XKR6: variants seen among roughly 807,000 people sequenced by gnomAD.
XKR6 encodes the protein XK-related protein 6.
XKR6 carries 22 observed loss-of-function variants against 56.7 expected under a neutral mutation model. The observed-to-expected ratio is 0.39, with a 90% confidence interval of 0.28 to 0.55. The LOEUF (loss-of-function observed/expected upper bound fraction) is 0.55, where lower values mean the gene tolerates loss of function less well. Among genes scored for constraint, XKR6 ranks in the 20% least tolerant of loss-of-function variants. The probability of loss-of-function intolerance (pLI) is 0.66; values close to 1 mark genes in which losing one functional copy is unlikely to be tolerated. For synonymous variants in XKR6, 524 were observed against 387.8 expected (o/e 1.35, Z -4.13); for missense variants, 852 against 889.0 (o/e 0.96, Z 0.53).
intron 1 of XKR6, among the ~76,000 whole-genome samples, chr8:11,087,118 G>C (rs1379424493): frequency 3.3e-5 from 5 of 152,094 alleles, no homozygotes; most frequent in Non-Finnish European, 5.9e-5. Flanking sequence ...CTAAACTCTT[G>C]TACACTCTAC....
At chr8:10,941,200 C>G (rs1026097518) in intron 1 of XKR6, among the ~76,000 whole-genome samples, 2 of 152,152 alleles carry the variant, frequency 1.3e-5, no homozygotes, top group Admixed American at 1.3e-4. Context: ...ACAGCCTCCT[C>G]CCACCGACAC....
intron 1 of XKR6, among the ~76,000 whole-genome samples, chr8:10,933,352 G>C (rs1801119768): frequency 1.0e-5 from 1 of 98,758 alleles, no homozygotes; most frequent in Admixed American, 8.2e-5. Flanking sequence ...TAGGTTGCCT[G>C]TTCACTCTGA....
intron 1 of XKR6, among the ~76,000 whole-genome samples, chr8:11,128,438 T>C (rs115439203): frequency 0.01 from 1,591 of 152,304 alleles, 35 homozygotes; most frequent in African/African-American, 0.037. Flanking sequence ...AACTGCCTAT[T>C]TGATAGCCCA....
At chr8:10,996,626 A>G (rs927073558) in intron 1 of XKR6, among the ~76,000 whole-genome samples, 1 of 152,148 alleles carries the variant, frequency 6.6e-6, no homozygotes, top group South Asian at 2.1e-4. Flanking sequence ...ATGGGAATAT[A>G]TGTGAGGGGC....
chr8:11,073,940 G>C (rs181671287), intron 1 of XKR6, among the ~76,000 whole-genome samples: 9 of 152,310 alleles, frequency 5.9e-5, no homozygotes, highest in African/African-American at 2.2e-4. Flanking sequence ...AATGCTGCCA[G>C]GAAATGAGCC....
At chr8:11,046,735 G>A (rs1206894782) in intron 1 of XKR6, among the ~76,000 whole-genome samples, 1 of 152,124 alleles carries the variant, frequency 6.6e-6, no homozygotes, top group Non-Finnish European at 1.5e-5. Flanking sequence ...GGCCATCCAT[G>A]GATGAATAGA....
At chr8:11,016,714 C>A (rs1798632902) in intron 1 of XKR6, among the ~76,000 whole-genome samples, 1 of 152,238 alleles carries the variant, frequency 6.6e-6, no homozygotes, top group Non-Finnish European at 1.5e-5. Context: ...GCGGCCAGCA[C>A]TGGGGAGCGT....
Position 10,917,634 on chromosome 8 carries a change from G to T in XKR6, c.961+7000C>A, listed in dbSNP as rs147823089. ...CCCCCTGCTGAGTTAGAGTCTGAGG[G>T]GCACACAATGGCTCAGAGGATATCT... On this transcript the variant is annotated intron_variant, in intron 2 of 2. Coordinates refer to ENST00000416569, the MANE Select transcript of XKR6 (RefSeq NM_173683.4). 6.2e-3 allele frequency among the ~76,000 whole-genome samples: 949 copies of T among 152,248 alleles called. 6 individuals are homozygous for T. The highest frequency in any genetic ancestry group is 9.5e-3 in the South Asian group (46 of 4,818).
rs867457792 is a variant in XKR6 at position 10,933,083 on chromosome 8, G to A, written c.765-8253C>T. Among the ~76,000 whole-genome samples the A allele has an allele frequency of 3.3e-5, 5 of 151,902 alleles. No individual in the cohort carries two copies. The South Asian group carries it at 1.0e-3, about 32-fold the overall frequency. ...CCTATTTCCTGACTTTTTAATGATTGCCATTCTAACTGGTGTGAGATGATA... is the reference window on the plus strand; with the variant it reads ...CCTATTTCCTGACTTTTTAATGATTACCATTCTAACTGGTGTGAGATGATA... On this transcript the variant is annotated intron_variant, in intron 1 of 2. Coordinates refer to ENST00000416569, the MANE Select transcript of XKR6 (RefSeq NM_173683.4).
intron 1 of XKR6, among the ~76,000 whole-genome samples, chr8:10,994,144 A>C (rs536820778): frequency 6.6e-6 from 1 of 152,260 alleles, no homozygotes; most frequent in East Asian, 1.9e-4. Context: ...CAAAGAACCC[A>C]CCATGCAATT....
chr8:11,093,449 G>T (rs1019309870), intron 1 of XKR6, among the ~76,000 whole-genome samples: 1 of 152,174 alleles, frequency 6.6e-6, no homozygotes. Context: ...ACTTTTCTGC[G>T]AGCAGTTCTG....
intron 1 of XKR6, among the ~76,000 whole-genome samples, chr8:10,945,907 C>T (rs1458180001): frequency 2.0e-5 from 3 of 152,142 alleles, no homozygotes; most frequent in Admixed American, 6.5e-5. Context: ...CCCCAAGCCT[C>T]ACTCTCCAGC....
At chr8:11,093,957 G>A (rs544669304) in intron 1 of XKR6, among the ~76,000 whole-genome samples, 4 of 151,956 alleles carry the variant, frequency 2.6e-5, no homozygotes, top group African/African-American at 9.6e-5. Context: ...CTAATTTTTT[G>A]TATTTTTAGT....
At chr8:11,011,601 G>T (rs1007284240) in intron 1 of XKR6, among the ~76,000 whole-genome samples, 7 of 152,186 alleles carry the variant, frequency 4.6e-5, no homozygotes, top group Non-Finnish European at 4.4e-5. Flanking sequence ...AATCTAACAC[G>T]AAAGAGACAG....
rs1397547090 is a variant in XKR6 at position 11,201,579 on chromosome 8, C to G, written c.-240G>C. 2.0e-5 allele frequency among the ~76,000 whole-genome samples: 3 copies of G among 152,278 alleles called. No homozygotes were observed. The highest frequency in any genetic ancestry group is 7.2e-5 in the African/African-American group (3 of 41,564). On this transcript the variant is annotated 5_prime_UTR_variant, in exon 1 of 3. Transcript: ENST00000416569. ...GCCCGCAGCTCCCCAGCCCTACCCTCCCGGCCAAGATGGCCGCCCTCCTGT... is the reference window on the plus strand; with the variant it reads ...GCCCGCAGCTCCCCAGCCCTACCCTGCCGGCCAAGATGGCCGCCCTCCTGT...
At chr8:11,006,682 G>T (rs943824876) in intron 1 of XKR6, among the ~76,000 whole-genome samples, 3 of 152,146 alleles carry the variant, frequency 2.0e-5, no homozygotes, top group African/African-American at 7.2e-5. Flanking sequence ...ATGTGCAAAG[G>T]CTCAGAGGAC....
intron 1 of XKR6, among the ~76,000 whole-genome samples, chr8:11,171,430 T>C (rs1469485024): frequency 1.3e-5 from 2 of 152,194 alleles, no homozygotes; most frequent in African/African-American, 4.8e-5. Flanking sequence ...CCAAATCTCA[T>C]GTTGAAATTT....
At chr8:10,966,779 G>T (rs1026644176) in intron 1 of XKR6, among the ~76,000 whole-genome samples, 12 of 152,188 alleles carry the variant, frequency 7.9e-5, no homozygotes, top group South Asian at 2.1e-4. Context: ...CAGGAAACCA[G>T]GTTTTAACAA....
At chr8:11,094,777 C>A (rs562320597) in intron 1 of XKR6, among the ~76,000 whole-genome samples, 1 of 152,280 alleles carries the variant, frequency 6.6e-6, no homozygotes, top group South Asian at 2.1e-4. Flanking sequence ...ATTTCTGAGG[C>A]TCCAAGATTC....
Sources: gnomAD v4.1 joint callset for allele counts (sites outside exome capture counted in the v4.1 genomes callset) on GRCh38, gnomAD v4.1.1 for gene constraint, MANE v1.5 for transcripts, NCBI Gene and HGNC (gene_info 2026-07-23, HGNC 2026-07-21) for gene names.